Variants in USO1 observed in about 807,000 individuals in gnomAD.
USO1 encodes the protein USO1 vesicle transport factor.
USO1 carries 57 observed loss-of-function variants against 124.5 expected under a neutral mutation model. The ratio of observed to expected loss-of-function variants is 0.46; its 90% confidence interval spans 0.37 to 0.57. USO1 has a LOEUF of 0.57. Among genes scored for constraint, USO1 ranks in the 20% least tolerant of loss-of-function variants. The pLI, the probability that USO1 is intolerant of heterozygous loss-of-function variation, is 0.00. For missense variants in USO1, 900 were observed against 1,040.6 expected (o/e 0.86, Z 1.86); for synonymous variants, 369 against 362.8 (o/e 1.02, Z -0.19).
Position 75,801,093 on chromosome 4 carries a change from G to A in USO1, c.1879G>A (p.Ala627Thr), listed in dbSNP as rs1201097661. The A allele has an allele frequency of 6.4e-7, 1 of 1,574,708 alleles. No homozygotes were observed. Among genetic ancestry groups the A allele is most frequent in the South Asian group, 1.2e-5 (1 of 84,634 alleles). Residue 627 changes from alanine to threonine, a missense_variant, in exon 17 of 24, where the codon GCT (alanine) becomes ACT (threonine). Physicochemically the swap from Ala to Thr is moderately conservative, Grantham distance 58. Around this residue, in one of 2 missense-constraint regions of USO1, gnomAD observed 538 missense variants for 681.6 expected, o/e 0.79. Transcript: ENST00000514213. ...VKELEGVITK[A>T]IYKSSEEDKK... The stretch of plus-strand genomic sequence containing the variant: ...TCCTTTTATAGGTGTTATAACTAAG[G>A]CTATTTATAAGTCCAGTGAAGAAGA...
chr4:75,730,111 T>C (rs1346102201), intron 1 of USO1: 1 of 221,528 alleles, frequency 4.5e-6, no homozygotes, highest in Non-Finnish European at 9.4e-6. Context: ...ATGATTTGTG[T>C]TTTGGTCATT....
In USO1 at chr4:75,800,376, T is replaced by A; in HGVS notation, c.1589T>A (p.Leu530His). 6.3e-7 allele frequency: 1 copy of A among 1,596,796 alleles called. No homozygotes were observed. Among genetic ancestry groups the A allele is most frequent in the East Asian group, 2.2e-5 (1 of 44,494 alleles). The change falls in exon 15 of 24, where the codon CTT becomes CAT. Residue 530 changes from leucine (L) to histidine (H), a missense_variant. Coordinates refer to ENST00000514213, the MANE Select transcript of USO1 (RefSeq NM_003715.4). ...CTTACAGGACAAATTGCAGAAAATC[T>A]TGGAGAAGAAGAGCAGTTGGTCCAA... is the stretch of plus-strand genomic sequence containing the variant. ...PFLTGQIAEN[L>H]GEEEQLVQGL...
intron 4 of USO1, among the ~76,000 whole-genome samples, chr4:75,768,672 A>G (rs895404838): frequency 2.0e-5 from 3 of 152,226 alleles, no homozygotes; most frequent in Non-Finnish European, 4.4e-5. Flanking sequence ...AATGTTGACT[A>G]GAATTGATGA....
At chr4:75,794,397 T>C (rs1308360558) in intron 13 of USO1, among the ~76,000 whole-genome samples, 1 of 152,216 alleles carries the variant, frequency 6.6e-6, no homozygotes, top group Non-Finnish European at 1.5e-5. Flanking sequence ...CCCCGGTGCA[T>C]ATAATTTACC....
Position 75,770,440 on chromosome 4 carries a change from A to G in USO1, c.297A>G (p.Glu99=). 6.5e-7 allele frequency: 1 copy of G among 1,549,310 alleles called. No individual in the cohort carries two copies. The highest frequency in any genetic ancestry group is 8.7e-7 in the Non-Finnish European group (1 of 1,150,356). The change falls in exon 5 of 24, where the codon GAA becomes GAG. Residue 99 remains glutamate (E), a splice_region_variant and synonymous_variant. Transcript: ENST00000514213. ...IISNEEEEEV[E]ENSTRQSEDL... ...ATTCTTTATTTTTGAATATTACAGA[A>G]GAAAATTCCACAAGACAGAGTGAAG...
intron 8 of USO1, among the ~76,000 whole-genome samples, chr4:75,777,242 A>AT (rs1246919123): frequency 6.6e-6 from 1 of 152,176 alleles, no homozygotes; most frequent in African/African-American, 2.4e-5. Flanking sequence ...ATAGTATTTA[A>AT]TTAATAACCA....
intron 12 of USO1, among the ~76,000 whole-genome samples, chr4:75,792,266 G>T (rs922782277): frequency 2.0e-5 from 3 of 152,106 alleles, no homozygotes; most frequent in Non-Finnish European, 4.4e-5. Flanking sequence ...GCTGGGCTTG[G>T]TGGCTCACTC....
intron 9 of USO1, among the ~76,000 whole-genome samples, chr4:75,785,941 G>T (rs1306223356): frequency 6.6e-6 from 1 of 152,110 alleles, no homozygotes. Context: ...CCAAGGACAG[G>T]AACCAATGTA....
At chr4:75,800,255 T>TGGGAA in intron 14 of USO1, 96 bp from the exon 15 acceptor site, 5 of 1,382,258 alleles carry the variant, frequency 3.6e-6, no homozygotes, top group Non-Finnish European at 4.8e-6. Context: ...GAATTTCTTA[T>TGGGAA]GGGAACTCTT....
chr4:75,734,718 CTTTTT>C (rs55928639), intron 1 of USO1, among the ~76,000 whole-genome samples: 1 of 47,464 alleles, frequency 2.1e-5, no homozygotes, highest in Non-Finnish European at 3.6e-5. Flanking sequence ...GGCAGTATGG[CTTTTT>C]TTTTTTTTTT....
rs1257118155 is a variant in USO1, at chr4:75,801,181, A to G, written c.1967A>G (p.Lys656Arg). The G allele has an allele frequency of 1.2e-6, 2 of 1,608,044 alleles. No individual in the cohort carries two copies. The change falls in exon 17 of 24, where the codon AAA becomes AGA. Residue 656 changes from lysine to arginine, a missense_variant. Lys to Arg is a conservative substitution (Grantham distance 26). Around this residue, in one of 2 missense-constraint regions of USO1, gnomAD observed 362 missense variants for 359.0 expected, o/e 1.01. Coordinates refer to ENST00000514213, the MANE Select transcript of USO1 (RefSeq NM_003715.4). ...CATGACAATATTGTGACTCACTACA[A>G]AAATATGATTCGAGAGCAGGTAAGT... ...EQHDNIVTHYKNMIREQDLQL... is the reference protein window; with the variant it reads ...EQHDNIVTHYRNMIREQDLQL...
intron 1 of USO1, 135 bp downstream of exon 1, chr4:75,725,020 T>C (rs931003214): frequency 1.2e-6 from 1 of 859,850 alleles, no homozygotes; most frequent in Non-Finnish European, 1.8e-6. Flanking sequence ...CCCTTTGCCC[T>C]CCTTCCGCTC....
intron 1 of USO1, among the ~76,000 whole-genome samples, chr4:75,728,658 A>G (rs1325310315): frequency 1.3e-5 from 2 of 152,254 alleles, no homozygotes; most frequent in Admixed American, 6.5e-5. Context: ...CTCAAAAAGA[A>G]AGATGTTCTT....
intron 1 of USO1, among the ~76,000 whole-genome samples, chr4:75,739,538 C>CTTTTTT (rs753369609): frequency 2.7e-3 from 281 of 105,334 alleles, no homozygotes; most frequent in Middle Eastern, 6.3e-3. Flanking sequence ...TTATCTTTTT[C>CTTTTTT]TTTTTTTTTT....
intron 8 of USO1, among the ~76,000 whole-genome samples, chr4:75,778,709 A>G (rs1334878778): frequency 1.3e-5 from 2 of 152,232 alleles, no homozygotes; most frequent in Non-Finnish European, 2.9e-5. Context: ...ACAAGAGATT[A>G]TACTTCTGTT....
chr4:75,800,237 T>G, intron 14 of USO1, 114 bp from the exon 15 acceptor site: 1 of 1,279,206 alleles, frequency 7.8e-7, no homozygotes, highest in Non-Finnish European at 1.1e-6. Context: ...ACACCTAGCC[T>G]ATATATGGAA....
intron 8 of USO1, among the ~76,000 whole-genome samples, chr4:75,777,715 C>G (rs4859554): frequency 0.53 from 80,257 of 152,006 alleles, 23,139 homozygotes; most frequent in East Asian, 0.81. Context: ...AGATGTGGAA[C>G]AACAAAAACA....
At chr4:75,806,421 C>G in intron 19 of USO1, 65 bp from the exon 20 acceptor site, 2 of 1,482,720 alleles carry the variant, frequency 1.3e-6, no homozygotes, top group Non-Finnish European at 1.8e-6. Flanking sequence ...GTGTACAGTT[C>G]TGTTTTTTTT....
At chr4:75,744,283 A>G (rs1248958447) in intron 1 of USO1, among the ~76,000 whole-genome samples, 1 of 152,206 alleles carries the variant, frequency 6.6e-6, no homozygotes, top group Non-Finnish European at 1.5e-5. Context: ...GGTTACCACA[A>G]TAAATTCTTC....
Sources: gnomAD v4.1 joint callset for allele counts (sites outside exome capture counted in the v4.1 genomes callset) on GRCh38, gnomAD v4.1.1 for gene constraint, gnomAD v4.1.1 regional missense constraint, MANE v1.5 for transcripts, NCBI Gene and HGNC (gene_info 2026-07-23, HGNC 2026-07-21) for gene names.